The following AGBL1 variants were observed in gnomAD, a reference collection of about 807,000 sequenced individuals.
The protein encoded by AGBL1 is cytosolic carboxypeptidase 4.
Under a neutral mutation model 118.9 loss-of-function variants are expected in AGBL1, and 130 were observed. The ratio of observed to expected loss-of-function variants is 1.09; its 90% CI spans 0.95 to 1.26. The LOEUF (loss-of-function observed/expected upper bound fraction) is 1.26, where lower values mean the gene tolerates loss of function less well. Ranked by LOEUF, AGBL1 falls within the 50% of genes most tolerant of loss-of-function variation. The pLI is 0.00. For missense variants in AGBL1, 1,584 were observed against 1,298.1 expected, an observed-to-expected ratio of 1.22 and a Z score of -3.38; for synonymous variants, 555 against 478.9, an observed-to-expected ratio of 1.16 and a Z score of -2.08.
At chr15:86,792,784 T>A (rs554569441) in intron 22 of AGBL1, among the ~76,000 whole-genome samples, 101 of 152,116 alleles carry the variant, frequency 6.6e-4, no homozygotes, top group African/African-American at 2.2e-3. Flanking sequence ...TCTATTTTTT[T>A]AAAAATATAA....
intron 17 of AGBL1, among the ~76,000 whole-genome samples, chr15:86,360,319 C>CTTTTTTTTTTTTTTTTTTTTTTTTTTT (rs570573457): frequency 2.9e-5 from 4 of 136,028 alleles, no homozygotes; most frequent in African/African-American, 5.4e-5. Flanking sequence ...GGGTTTTTTC[C>CTTTTTTTTTTTTTTTTTTTTTTTTTTT]TTTTTTTTTT....
intron 21 of AGBL1, among the ~76,000 whole-genome samples, chr15:86,569,919 A>G (rs577257977): frequency 6.6e-6 from 1 of 152,350 alleles, no homozygotes; most frequent in Admixed American, 6.5e-5. Flanking sequence ...TTCAAATGAC[A>G]AAGAAGAAGA....
chr15:86,976,916 A>G (rs921820976), intron 23 of AGBL1, among the ~76,000 whole-genome samples: 3 of 151,994 alleles, frequency 2.0e-5, no homozygotes, highest in Non-Finnish European at 2.9e-5. Flanking sequence ...TGATTTATAA[A>G]TGTCTTCATA....
At chr15:87,007,760 C>G (rs2081519611) in intron 24 of AGBL1, among the ~76,000 whole-genome samples, 1 of 152,322 alleles carries the variant, frequency 6.6e-6, no homozygotes, top group South Asian at 2.1e-4. Context: ...GCTGACTCTA[C>G]AGATTACCTC....
At chr15:86,206,497 A>T (rs190308617) in intron 5 of AGBL1, among the ~76,000 whole-genome samples, 7 of 152,284 alleles carry the variant, frequency 4.6e-5, no homozygotes, top group African/African-American at 1.4e-4. Context: ...CTTTTTAATG[A>T]TCACCATTCT....
chr15:86,476,778 A>T (rs945819717), intron 18 of AGBL1, among the ~76,000 whole-genome samples: 2 of 152,224 alleles, frequency 1.3e-5, no homozygotes, highest in Admixed American at 1.3e-4. Context: ...CAGAATATAC[A>T]TTCTTCTCAG....
rs769332140 is a variant in AGBL1, at chr15:86,266,454, C to A, written c.1748C>A (p.Pro583His). 6.4e-7 allele frequency: 1 copy of A among 1,561,486 alleles called. No individual in the cohort carries two copies. The highest frequency in any genetic ancestry group is 1.2e-5 in the South Asian group (1 of 84,544). Residue 583 changes from proline (P) to histidine (H), a missense_variant, in exon 12 of 23, where the codon CCT becomes CAT. Coordinates refer to ENST00000614907, the MANE Select transcript of AGBL1 (RefSeq NM_001386094.1). The part of the protein sequence containing the change: ...INKVVFSLDE[P>H]WPLQDNASNC... The stretch of plus-strand genomic sequence containing the variant: ...AAAGTTGTCTTCAGTTTAGATGAGC[C>A]TTGGTAGGTAGTCTCGTGCATCTGA...
At position 86,447,247 on chromosome 15, in the gene AGBL1, C is replaced by A. The variant is rs549420308; in HGVS notation, c.2555+49701C>A. On this transcript the variant is annotated intron_variant, in intron 18 of 22. Transcript: ENST00000614907. ...TAGATCCACATTTGTACCATTCAGG[C>A]CAATGGTAGAGAGTAAATCCTAAAA... Among the ~76,000 whole-genome samples the A allele has an allele frequency of 5.3e-5, 8 of 152,272 alleles. 1 individual carries two copies. The South Asian group carries it at 1.7e-3, about 32-fold the overall frequency.
At chr15:86,643,131 C>T (rs185908372) in intron 21 of AGBL1, among the ~76,000 whole-genome samples, 5 of 152,160 alleles carry the variant, frequency 3.3e-5, no homozygotes, top group Admixed American at 1.3e-4. Context: ...TTTTGTAGTA[C>T]GTTGTTCATA....
chr15:86,533,969 G>A (rs1159992872), intron 19 of AGBL1, among the ~76,000 whole-genome samples: 3 of 92,700 alleles, frequency 3.2e-5, no homozygotes, highest in African/African-American at 1.3e-4. Context: ...TGGTGGGGTG[G>A]GGGGAGGGGG....
At chr15:86,244,051 ATAGATAAATAAG>A (rs1210175442) in intron 6 of AGBL1, among the ~76,000 whole-genome samples, 4 of 101,414 alleles carry the variant, frequency 3.9e-5, no homozygotes, top group African/African-American at 1.9e-4. Flanking sequence ...AGATAGATAG[ATAGATAAATAAG>A]TAAATAAATA....
At chr15:86,866,748 G>A (rs1335001601) in intron 22 of AGBL1, among the ~76,000 whole-genome samples, 1 of 152,126 alleles carries the variant, frequency 6.6e-6, no homozygotes, top group African/African-American at 2.4e-5. Context: ...CAGCTACTCA[G>A]GGCTGAGGCA....
At chr15:86,217,169 A>G (rs1272647690) in intron 5 of AGBL1, among the ~76,000 whole-genome samples, 1 of 152,184 alleles carries the variant, frequency 6.6e-6, no homozygotes, top group African/African-American at 2.4e-5. Context: ...GCTTTTCAAA[A>G]ATACTTTTGT....
chr15:86,284,200 A>C (rs1002541453), intron 16 of AGBL1, among the ~76,000 whole-genome samples: 1 of 151,556 alleles, frequency 6.6e-6, no homozygotes, highest in Non-Finnish European at 1.5e-5. Context: ...ATAAAAAAAA[A>C]AAAACAAATG....
In AGBL1 at chr15:86,275,709, G is replaced by A. The variant is rs963550852; in HGVS notation, c.2076-3930G>A. Among the ~76,000 whole-genome samples the A allele has an allele frequency of 2.0e-5, 3 of 152,182 alleles. No individual in the cohort carries two copies. In the South Asian group the frequency reaches 6.2e-4, roughly 31 times the overall value. On this transcript the variant is annotated intron_variant, in intron 15 of 22. Coordinates refer to ENST00000614907, the MANE Select transcript of AGBL1 (RefSeq NM_001386094.1). Reference sequence around the variant, plus strand: ...GGAAAGGCAAACAAAAAGCCTTTTAGCTGTGAAGTTGCTGGATGTACCCAG... The same window carrying A: ...GGAAAGGCAAACAAAAAGCCTTTTAACTGTGAAGTTGCTGGATGTACCCAG...
rs144923109 is a variant in AGBL1 at position 86,996,248 on chromosome 15, G to GTAAC, written c.3323+8163_3323+8166dup. On this transcript the variant is annotated intron_variant, in intron 24 of 24. Transcript: ENST00000441037. ...ATTAATTTTTGAAGAGTATGCTTGT[G>GTAAC]TAACTATCTCCCAGATCAAGCAGCA... is the stretch of plus-strand genomic sequence containing the variant. 5.5e-3 allele frequency among the ~76,000 whole-genome samples: 840 copies of GTAAC among 152,220 alleles called. 6 individuals are homozygous for GTAAC. The highest frequency in any genetic ancestry group is 0.018 in the African/African-American group (755 of 41,534).
rs1267405867 is a variant in AGBL1, at chr15:86,183,741, G to C, written c.488+24715G>C. Among the ~76,000 whole-genome samples the C allele has an allele frequency of 2.0e-5, 3 of 152,092 alleles. No individual in the cohort carries two copies. In the East Asian group the frequency reaches 5.8e-4, roughly 29 times the overall value. Reference sequence around the variant, plus strand: ...ACATAATAAAATCACATTTTATGTGGTGTTTCAGGCCAAATGAATCCCCCA... The same window carrying C: ...ACATAATAAAATCACATTTTATGTGCTGTTTCAGGCCAAATGAATCCCCCA... On this transcript the variant is annotated intron_variant, in intron 5 of 22. Coordinates refer to ENST00000614907, the MANE Select transcript of AGBL1 (RefSeq NM_001386094.1).
intron 21 of AGBL1, among the ~76,000 whole-genome samples, chr15:86,654,091 A>G (rs973088534): frequency 4.6e-5 from 7 of 152,190 alleles, no homozygotes; most frequent in African/African-American, 7.2e-5. Context: ...TTTCACTGAT[A>G]ATCAAAATGC....
chr15:86,597,623 T>TC (rs1261428745), intron 21 of AGBL1, among the ~76,000 whole-genome samples: 1 of 152,168 alleles, frequency 6.6e-6, no homozygotes, highest in African/African-American at 2.4e-5. Context: ...GGACTTGCAG[T>TC]ATTCATGTCT....
Sources: allele counts gnomAD v4.1 joint callset (sites outside exome capture counted in the v4.1 genomes callset), GRCh38; gene constraint gnomAD v4.1.1; transcripts MANE v1.5; gene names NCBI Gene and HGNC (gene_info 2026-07-23, HGNC 2026-07-21).